Variants in ABHD2 observed in about 807,000 individuals in gnomAD.
The protein encoded by ABHD2 is abhydrolase domain containing 2, acylglycerol lipase, also known as monoacylglycerol lipase ABHD2.
Under a neutral mutation model 48.1 loss-of-function variants are expected in ABHD2, and 20 were observed. That is an observed-to-expected ratio of 0.42 (90% CI 0.29 to 0.60). The LOEUF (loss-of-function observed/expected upper bound fraction) is 0.60. Among genes scored for constraint, ABHD2 ranks in the 20% least tolerant of loss-of-function variants. ABHD2 has a pLI of 0.24. For missense variants in ABHD2, 405 were observed against 550.9 expected (o/e 0.74, Z 2.65); for synonymous variants, 209 against 214.2 (o/e 0.98, Z 0.21).
upstream of ABHD2, among the ~76,000 whole-genome samples, chr15:89,083,444 A>T (rs1901311032): frequency 6.6e-6 from 1 of 152,192 alleles, no homozygotes; most frequent in Non-Finnish European, 1.5e-5. The surrounding 1 kb of genome is among the most constrained non-coding windows in gnomAD (Gnocchi z 5.1). Context: ...TATGTATCTG[A>T]TTATAAGATT....
chr15:89,125,823 A>C (rs575571363), intron 3 of ABHD2, among the ~76,000 whole-genome samples: 9 of 152,308 alleles, frequency 5.9e-5, no homozygotes, highest in African/African-American at 2.2e-4. Flanking sequence ...TTGAATCAAG[A>C]TCACCAAGTC....
intron 3 of ABHD2, among the ~76,000 whole-genome samples, chr15:89,123,574 CTCCT>C (rs1167785015): frequency 7.1e-6 from 1 of 140,690 alleles, no homozygotes; most frequent in Non-Finnish European, 1.6e-5. Flanking sequence ...CTTTTTTTTT[CTCCT>C]TTCTTTCTTT....
At chr15:89,134,426 T>C (rs1040948207) in intron 3 of ABHD2, among the ~76,000 whole-genome samples, 11 of 152,166 alleles carry the variant, frequency 7.2e-5, no homozygotes, top group Non-Finnish European at 1.5e-5. Context: ...AATGCCACCT[T>C]TTTCACCAAC....
At position 89,147,596 on chromosome 15, in the gene ABHD2, G is replaced by A. The variant is rs371759506; in HGVS notation, c.195-4081G>A. Among the ~76,000 whole-genome samples, 11 of 150,902 alleles carry A rather than the reference G, an allele frequency of 7.3e-5. No homozygotes were observed. In the East Asian group the frequency reaches 1.8e-3, roughly 24 times the overall value. On this transcript the variant is annotated intron_variant, in intron 3 of 10. Coordinates refer to ENST00000352732, the MANE Select transcript of ABHD2 (RefSeq NM_152924.5). ...TCTCGATCTCCTGACCTCGTGATCCGCCTGCCTCGGCCTCCCAAAGTGCTG... is the reference window on the plus strand; with the variant it reads ...TCTCGATCTCCTGACCTCGTGATCCACCTGCCTCGGCCTCCCAAAGTGCTG...
the ABHD2 span, among the ~76,000 whole-genome samples, chr15:89,073,737 T>G: frequency 6.6e-6 from 1 of 152,114 alleles, no homozygotes; most frequent in African/African-American, 2.4e-5. Flanking sequence ...GGACCTGAGG[T>G]TCTGCATTTC....
chr15:89,170,885 A>AG (rs1215182271), intron 5 of ABHD2, among the ~76,000 whole-genome samples: 17 of 152,122 alleles, frequency 1.1e-4, no homozygotes, highest in South Asian at 4.1e-4. Context: ...TGGGAGGCCG[A>AG]GGGGGGCGGA....
chr15:89,158,156 T>C (rs2050704710), intron 5 of ABHD2, among the ~76,000 whole-genome samples: 1 of 152,166 alleles, frequency 6.6e-6, no homozygotes, highest in South Asian at 2.1e-4. Context: ...GACACAGTAC[T>C]GATGTCACAT....
chr15:89,069,347 C>A, the ABHD2 span, among the ~76,000 whole-genome samples: 1 of 151,974 alleles, frequency 6.6e-6, no homozygotes, highest in African/African-American at 2.4e-5. Context: ...AGGCTGGCCT[C>A]AAACTCCTGG....
upstream of ABHD2, among the ~76,000 whole-genome samples, chr15:89,085,128 C>A (rs1386101262): frequency 1.3e-5 from 2 of 152,178 alleles, no homozygotes; most frequent in East Asian, 3.9e-4. This position sits in a 1 kb window ranked among gnomAD's most constrained non-coding sequence, Gnocchi z 4.2. Context: ...GTTAGTAAAT[C>A]CTGCAGAGGC....
chr15:89,153,507 T>C (rs1028111876), intron 4 of ABHD2, among the ~76,000 whole-genome samples: 2 of 152,254 alleles, frequency 1.3e-5, no homozygotes, highest in African/African-American at 4.8e-5. Flanking sequence ...CATCTGCTCT[T>C]CCTACCAGGA....
rs1226854607 is a variant in ABHD2, at chr15:89,201,652, C to T, written c.*6229C>T. The T allele has an allele frequency of 1.9e-6, 3 of 1,605,912 alleles. No individual in the cohort carries two copies. In the Admixed American group the frequency reaches 5.0e-5, roughly 27 times the overall value. On this transcript the variant is annotated 3_prime_UTR_variant, in exon 11 of 11. Transcript: ENST00000352732. Reference sequence around the variant, plus strand: ...TACCGGTGAGGCACGGTAGTCTTCACTTTGAAACACACTTTTCTATCCGAT... The same window carrying T: ...TACCGGTGAGGCACGGTAGTCTTCATTTTGAAACACACTTTTCTATCCGAT...
chr15:89,123,593 C>CTTTTTTTT (rs138910210), intron 3 of ABHD2, among the ~76,000 whole-genome samples: 420 of 96,636 alleles, frequency 4.3e-3, no homozygotes, highest in East Asian at 7.5e-3. Context: ...TTCTTTCTTT[C>CTTTTTTTT]TTTTTTTTTT....
At chr15:89,139,103 C>G (rs1439840764) in intron 3 of ABHD2, among the ~76,000 whole-genome samples, 1 of 151,944 alleles carries the variant, frequency 6.6e-6, no homozygotes, top group Non-Finnish European at 1.5e-5. Flanking sequence ...CCCAGCTACT[C>G]AGGCGGCTGA....
the ABHD2 span, among the ~76,000 whole-genome samples, chr15:89,071,364 T>C: frequency 3.3e-5 from 5 of 152,062 alleles, no homozygotes; most frequent in African/African-American, 1.2e-4. Context: ...GAGGTTGCAG[T>C]GAGCCAAGAT....
At chr15:89,157,284 G>A (rs975865270) in intron 5 of ABHD2, among the ~76,000 whole-genome samples, 2 of 152,140 alleles carry the variant, frequency 1.3e-5, no homozygotes, top group East Asian at 1.9e-4. Context: ...ATTTTTTTAT[G>A]CATATTTGTA....
At chr15:89,124,411 C>T (rs922768905) in intron 3 of ABHD2, among the ~76,000 whole-genome samples, 1 of 151,702 alleles carries the variant, frequency 6.6e-6, no homozygotes, top group African/African-American at 2.4e-5. Context: ...CAGATTGCCA[C>T]CCTAGGCCCC....
the ABHD2 span, among the ~76,000 whole-genome samples, chr15:89,071,658 G>T: frequency 5.3e-5 from 8 of 152,134 alleles, no homozygotes. Flanking sequence ...AAGGGAGTGG[G>T]GTGGAGCTCA....
intron 6 of ABHD2, among the ~76,000 whole-genome samples, chr15:89,183,921 C>T (rs2051162481): frequency 6.6e-6 from 1 of 152,130 alleles, no homozygotes; most frequent in South Asian, 2.1e-4. Context: ...CTGGTTGTGG[C>T]TCGGTGATTG....
chr15:89,115,085 G>T (rs2049933814), intron 2 of ABHD2, among the ~76,000 whole-genome samples: 1 of 152,280 alleles, frequency 6.6e-6, no homozygotes, highest in South Asian at 2.1e-4. Flanking sequence ...AAACACAGTT[G>T]GTGGAGATTG....
Sources: allele counts gnomAD v4.1 joint callset (sites outside exome capture counted in the v4.1 genomes callset), GRCh38; gene constraint gnomAD v4.1.1; non-coding constraint Gnocchi (gnomAD v3.1); transcripts MANE v1.5; gene names NCBI Gene and HGNC (gene_info 2026-07-23, HGNC 2026-07-21).